The following WIPI2 variants were observed in gnomAD, a reference collection of about 807,000 sequenced individuals.
WIPI2 encodes WD repeat domain, phosphoinositide interacting 2, also known as WD repeat domain phosphoinositide-interacting protein 2.
A neutral mutation model predicts 52.3 loss-of-function variants in WIPI2; 28 were observed. The ratio of observed to expected loss-of-function variants is 0.54; its 90% CI spans 0.40 to 0.73. The LOEUF (loss-of-function observed/expected upper bound fraction) is 0.73. WIPI2 is among the 30% of genes least tolerant of loss of function. The pLI, the probability that WIPI2 is intolerant of heterozygous loss-of-function variation, is 0.00. For synonymous variants in WIPI2, 268 were observed against 245.0 expected (o/e 1.09, Z -0.88); for missense variants, 506 against 602.9 (o/e 0.84, Z 1.68).
At chr7:5,194,746 G>T (rs1278470319) in intron 2 of WIPI2, among the ~76,000 whole-genome samples, 3 of 152,086 alleles carry the variant, frequency 2.0e-5, no homozygotes, top group Non-Finnish European at 4.4e-5. Context: ...GATTGCAGAC[G>T]CAAGCCACCA....
At position 5,224,263 on chromosome 7, in the gene WIPI2, C is replaced by A. The variant is rs545278429; in HGVS notation, c.741-1560C>A. ...CTGGTGGCCTGGCCGGCTTCTGTAACCCTGGGAGTCCAAGTCGAGTGTCGC... is the reference window on the plus strand; with the variant it reads ...CTGGTGGCCTGGCCGGCTTCTGTAAACCTGGGAGTCCAAGTCGAGTGTCGC... On this transcript the variant is annotated intron_variant, in intron 8 of 12. Coordinates refer to ENST00000288828, the MANE Select transcript of WIPI2 (RefSeq NM_015610.4). 4.4e-3 allele frequency among the ~76,000 whole-genome samples: 674 copies of A among 152,348 alleles called. 2 individuals carry two copies. Among genetic ancestry groups the A allele is most frequent in the Non-Finnish European group, 7.5e-3 (508 of 68,034 alleles).
At chr7:5,212,870 A>G (rs1171719519) in intron 3 of WIPI2, among the ~76,000 whole-genome samples, 1 of 152,238 alleles carries the variant, frequency 6.6e-6, no homozygotes, top group Non-Finnish European at 1.5e-5. Context: ...GTGACTTAGT[A>G]TCCATGTCAA....
At chr7:5,210,645 A>G (rs906206892) in intron 3 of WIPI2, among the ~76,000 whole-genome samples, 3 of 152,182 alleles carry the variant, frequency 2.0e-5, no homozygotes, top group Admixed American at 2.0e-4. Context: ...AAATAAGTCA[A>G]GTTTTACCAA....
Position 5,232,209 on chromosome 7 carries a change from C to CT in WIPI2, c.*1263dup. The CT allele has an allele frequency of 2.5e-6, 1 of 398,678 alleles. No individual in the cohort carries two copies. The allele number at this position is 398,678 out of a possible 1,614,324, so 24.7% of individuals were successfully genotyped here. ...ACGGATAGAAGGGAAAAGGCAAAAA[C>CT]TATTTACCCTGCCTTTGCAGGCTGG... On this transcript the variant is annotated 3_prime_UTR_variant, in exon 13 of 13. Coordinates refer to ENST00000288828, the MANE Select transcript of WIPI2 (RefSeq NM_015610.4).
Position 5,229,735 on chromosome 7 carries a change from C to G in WIPI2, c.1249C>G (p.Leu417Val), listed in dbSNP as rs780558049. The G allele has an allele frequency of 6.2e-7, 1 of 1,613,790 alleles. No individual in the cohort carries two copies. The change falls in exon 12 of 13, where the codon CTT (leucine) becomes GTT (valine). Residue 417 changes from leucine to valine, a missense_variant. Transcript: ENST00000288828. ...TTACGTGCCTTCATCCCCAACGAGA[C>G]TTGGTAAGGGGCGTGACGCAAACCT... ...GTYVPSSPTR[L>V]AYTDDLGAVG...
Position 5,232,293 on chromosome 7 carries a change from T to C in WIPI2, c.*1346T>C. ...TTCCAGATGGTTGTCATGGTCACGC[T>C]GGGCGAAGAGCTGGAGGGGAGTTGT... On this transcript the variant is annotated 3_prime_UTR_variant, in exon 13 of 13. Coordinates refer to ENST00000288828, the MANE Select transcript of WIPI2 (RefSeq NM_015610.4). 2.5e-6 allele frequency: 1 copy of C among 398,642 alleles called. No individual in the cohort carries two copies. Among genetic ancestry groups the C allele is most frequent in the Non-Finnish European group, 4.4e-6 (1 of 226,062 alleles). 24.7% of individuals were successfully genotyped at this position (398,642 alleles called of 1,614,324 possible).
Position 5,229,780 on chromosome 7 carries a change from A to G in WIPI2, c.1252+42A>G, listed in dbSNP as rs1476797386. On this transcript the variant is annotated intron_variant, in intron 12 of 12. Transcript: ENST00000288828. ...AAACCTGGAAGGTAATTAGCCCCAC[A>G]GCCCCGAGTGCTACTGCCTTCTGCT... 1.9e-6 allele frequency: 3 copies of G among 1,610,420 alleles called. No homozygotes were observed. The Admixed American group carries it at 5.0e-5, about 27-fold the overall frequency.
chr7:5,216,913 T>G (rs1782842074), intron 5 of WIPI2, 177 bp from the exon 6 acceptor site: 13 of 721,344 alleles, frequency 1.8e-5, no homozygotes, highest in Non-Finnish European at 2.9e-5. Flanking sequence ...ACAATACTGG[T>G]ATCACCTAAG....
chr7:5,216,467 A>AT (rs1782818128), intron 4 of WIPI2, 96 bp from the exon 5 acceptor site: 2 of 920,268 alleles, frequency 2.2e-6, no homozygotes, highest in African/African-American at 3.3e-5. Context: ...AGAAGGAATG[A>AT]GAGCGTCATA....
At chr7:5,206,402 G>A (rs920916473) in intron 3 of WIPI2, among the ~76,000 whole-genome samples, 6 of 152,202 alleles carry the variant, frequency 3.9e-5, no homozygotes, top group African/African-American at 1.4e-4. Context: ...GTTGGATTAG[G>A]TGTTGAGTAT....
At chr7:5,195,540 A>C (rs965281088) in intron 2 of WIPI2, among the ~76,000 whole-genome samples, 2 of 152,212 alleles carry the variant, frequency 1.3e-5, no homozygotes, top group African/African-American at 4.8e-5. Flanking sequence ...AAATAAATAA[A>C]TAAACATTTT....
In WIPI2 at chr7:5,230,337, A is replaced by G. The variant is rs950603694; in HGVS notation, c.1253-498A>G. Among the ~76,000 whole-genome samples, 2 of 152,232 alleles carry G rather than the reference A, an allele frequency of 1.3e-5. No homozygotes were observed. Among genetic ancestry groups the G allele is most frequent in the Non-Finnish European group, 2.9e-5 (2 of 68,040 alleles). On this transcript the variant is annotated intron_variant, in intron 12 of 12. Coordinates refer to ENST00000288828, the MANE Select transcript of WIPI2 (RefSeq NM_015610.4). This position sits in a 1 kb window ranked among gnomAD's most constrained non-coding sequence, Gnocchi z 4.8. ...CCCTCCGGCGGCAGCACTAAGACCC[A>G]TGCATGAGATCCTCCAGCCACAGCC...
At chr7:5,191,625 G>A (rs1781489205) in intron 1 of WIPI2, among the ~76,000 whole-genome samples, 1 of 152,158 alleles carries the variant, frequency 6.6e-6, no homozygotes, top group South Asian at 2.1e-4. Flanking sequence ...AGAAGGGTGA[G>A]TTATGGGGTT....
rs1391421443 is a variant in WIPI2, at chr7:5,232,624, C to T, written c.*1677C>T. ...TGAGCAGGGATGAGAAGGGCCGCGG[C>T]AGCACGCAGCCTTGACCCACGCCTG... is the stretch of plus-strand genomic sequence containing the variant. On this transcript the variant is annotated 3_prime_UTR_variant, in exon 13 of 13. Transcript: ENST00000288828. The T allele has an allele frequency of 3.6e-6, 1 of 280,678 alleles. No individual in the cohort carries two copies. The highest frequency in any genetic ancestry group is 2.2e-5 in the African/African-American group (1 of 46,048). 17.4% of individuals were successfully genotyped at this position (280,678 alleles called of 1,614,324 possible). A position where few individuals can be genotyped will look rare whatever the true frequency, so the allele number is the denominator to read the frequency against.
intron 1 of WIPI2, among the ~76,000 whole-genome samples, chr7:5,192,073 G>A (rs1055405085): frequency 6.6e-6 from 1 of 152,150 alleles, no homozygotes. Flanking sequence ...TCTGTTTACA[G>A]AGTAGAATTC....
At position 5,208,753 on chromosome 7, in the gene WIPI2, C is replaced by G. The variant is rs1583560578; in HGVS notation, c.212-5782C>G. On this transcript the variant is annotated intron_variant, in intron 3 of 12. Transcript: ENST00000288828. ...TGAGTCTGTTTCTGGACTCTTTAGT[C>G]TCTTCTAATGATCTATTTGTCAGTC... is the stretch of plus-strand genomic sequence containing the variant. Among the ~76,000 whole-genome samples, 6 of 152,192 alleles carry G rather than the reference C, an allele frequency of 3.9e-5. No individual in the cohort carries two copies. The South Asian group carries it at 1.2e-3, about 32-fold the overall frequency.
chr7:5,224,859 G>A lies in WIPI2; in HGVS notation c.741-964G>A, dbSNP rs141595627. On this transcript the variant is annotated intron_variant, in intron 8 of 12. Transcript: ENST00000288828. ...GATGGAGTCAGCAAAGCTAGATCTC[G>A]TTCACCGTCTCAGTCATAATTTTGC... Among the ~76,000 whole-genome samples the A allele has an allele frequency of 1.6e-4, 24 of 152,286 alleles. 1 individual carries two copies. The East Asian group carries it at 4.4e-3, about 28-fold the overall frequency.
rs1583599796 is a variant in WIPI2, at chr7:5,230,329, T to C, written c.1253-506T>C. Reference sequence around the variant, plus strand: ...ATGGGCTCCCCTCCGGCGGCAGCACTAAGACCCATGCATGAGATCCTCCAG... The same window carrying C: ...ATGGGCTCCCCTCCGGCGGCAGCACCAAGACCCATGCATGAGATCCTCCAG... On this transcript the variant is annotated intron_variant, in intron 12 of 12. Transcript: ENST00000288828. This position sits in a 1 kb window ranked among gnomAD's most constrained non-coding sequence, Gnocchi z 4.8. Among the ~76,000 whole-genome samples, 1 of 152,218 alleles carries C rather than the reference T, an allele frequency of 6.6e-6. No homozygotes were observed. The highest frequency in any genetic ancestry group is 2.4e-5 in the African/African-American group (1 of 41,452).
chr7:5,228,428 A>C (rs1351105744), intron 11 of WIPI2, among the ~76,000 whole-genome samples: 4 of 152,262 alleles, frequency 2.6e-5, no homozygotes, highest in Non-Finnish European at 5.9e-5. Context: ...TGGTGGCGTC[A>C]GGGCTCCCTC....
Sources: gnomAD v4.1 joint callset for allele counts (sites outside exome capture counted in the v4.1 genomes callset) on GRCh38, gnomAD v4.1.1 for gene constraint, Gnocchi (gnomAD v3.1) non-coding constraint, MANE v1.5 for transcripts, NCBI Gene and HGNC (gene_info 2026-07-23, HGNC 2026-07-21) for gene names.